NRAP: variants seen among roughly 807,000 people sequenced by gnomAD.
The protein encoded by NRAP is nebulin-related-anchoring protein.
In NRAP, 189 loss-of-function variants were observed where a neutral mutation model predicts 225.9. The observed-to-expected ratio is 0.84, with a 90% CI of 0.74 to 0.94. NRAP has a LOEUF of 0.94. Ranked by LOEUF, NRAP falls within the 40% of genes least tolerant of loss-of-function variation. NRAP has a pLI of 0.00. For missense variants in NRAP, 2,176 were observed against 2,168.7 expected, an observed-to-expected ratio of 1.00 and a Z score of -0.07; for synonymous variants, 769 against 790.7, an observed-to-expected ratio of 0.97 and a Z score of 0.46.
chr10:113,594,840 C>A (rs1398542543), intron 38 of NRAP, among the ~76,000 whole-genome samples: 3 of 152,184 alleles, frequency 2.0e-5, no homozygotes, highest in Non-Finnish European at 2.9e-5. Flanking sequence ...CTGCACGGAG[C>A]CCCAGGACAC....
intron 19 of NRAP, among the ~76,000 whole-genome samples, 195 bp downstream of exon 19, chr10:113,629,393 G>A (rs1848458118): frequency 6.6e-6 from 1 of 152,060 alleles, no homozygotes; most frequent in Non-Finnish European, 1.5e-5. Context: ...CATTAGCTGT[G>A]AGCCCTCCAG....
intron 3 of NRAP, among the ~76,000 whole-genome samples, chr10:113,660,112 CAT>C (rs1850574178): frequency 6.6e-6 from 1 of 151,114 alleles, no homozygotes; most frequent in Non-Finnish European, 1.5e-5. Context: ...TACATACATA[CAT>C]ACATAAACAC....
chr10:113,629,836 G>T, intron 18 of NRAP, 51 bp from the exon 19 acceptor site: 1 of 1,268,622 alleles, frequency 7.9e-7, no homozygotes, highest in Non-Finnish European at 1.2e-6. Context: ...CCCACCCTTT[G>T]CAGGAGTGAT....
intron 5 of NRAP, among the ~76,000 whole-genome samples, chr10:113,653,464 A>G (rs1298360429): frequency 6.6e-6 from 1 of 152,220 alleles, no homozygotes; most frequent in African/African-American, 2.4e-5. Context: ...TTTCCTAATG[A>G]GACTTATCAC....
chr10:113,634,383 A>G (rs756302730), intron 14 of NRAP, among the ~76,000 whole-genome samples, 173 bp from the exon 15 acceptor site: 5 of 152,204 alleles, frequency 3.3e-5, no homozygotes, highest in Non-Finnish European at 7.4e-5. Context: ...GAAAAACAGT[A>G]CATTGGAGAG....
chr10:113,642,003 C>A (rs1452753578), intron 12 of NRAP, among the ~76,000 whole-genome samples: 3 of 151,942 alleles, frequency 2.0e-5, no homozygotes, highest in Admixed American at 6.6e-5. Flanking sequence ...TGCCACTTAT[C>A]AAATAAAGAG....
chr10:113,589,074 C>A lies in NRAP; in HGVS notation c.5094G>T (p.Gly1698=), dbSNP rs562795399. The A allele has an allele frequency of 1.2e-6, 2 of 1,613,444 alleles. No homozygotes were observed. Among genetic ancestry groups the A allele is most frequent in the Admixed American group, 1.7e-5 (1 of 59,962 alleles). Residue 1698 remains glycine (G), a synonymous_variant, in exon 42 of 42, where the codon GGG becomes GGT. Transcript: ENST00000359988. Reference sequence around the variant, plus strand: ...GATCTCCAGCCTCCACTGCTTCTGCCCCCCGCTGCTGAAATCAAACATACC... The same window carrying A: ...GATCTCCAGCCTCCACTGCTTCTGCACCCCGCTGCTGAAATCAAACATACC... The part of the protein sequence containing the change: ...RGLGLQGAYR[G]AEAVEAGDHQ...
rs963599807 is a variant in NRAP at position 113,590,731 on chromosome 10, G to A, written c.4803C>T (p.His1601=). ...GGAGGCCGGGCTGGTCTGTGCTGCT[G>A]TGAAACTGGGACCGACTCTTGGCAA... ...KDFAKSRSQF[H]SSTDQPGLLQ... Residue 1601 remains histidine (H), a synonymous_variant, in exon 40 of 42, where the codon CAC becomes CAT. Coordinates refer to ENST00000359988, the MANE Select transcript of NRAP (RefSeq NM_198060.4). The A allele has an allele frequency of 6.2e-7, 1 of 1,614,108 alleles. No individual in the cohort carries two copies.
intron 23 of NRAP, 63 bp from the exon 24 acceptor site, chr10:113,622,243 A>G (rs183020191): frequency 1.8e-6 from 2 of 1,111,500 alleles, no homozygotes; most frequent in East Asian, 2.4e-5. Context: ...TAGGCTTCAG[A>G]CTCCATGCAT....
rs114694839 is a variant in NRAP at position 113,657,596 on chromosome 10, A to C, written c.256-22T>G. ...GGATCTGCTCAAGGAAGATGTTGTC[A>C]GTAATGTTTCCATCAGAAAAGAGAA... On this transcript the variant is annotated intron_variant, in intron 3 of 41. Coordinates refer to ENST00000359988, the MANE Select transcript of NRAP (RefSeq NM_198060.4). 1,397 of 1,295,662 alleles carry C rather than the reference A, an allele frequency of 1.1e-3. 9 individuals carry two copies. The African/African-American group carries it at 0.019, about 17-fold the overall frequency. The allele number at this position is 1,295,662 out of a possible 1,614,324, so 80.3% of individuals were successfully genotyped here.
chr10:113,612,155 G>A, intron 30 of NRAP, 79 bp downstream of exon 30: 1 of 1,153,614 alleles, frequency 8.7e-7, no homozygotes, highest in African/African-American at 1.5e-5. Flanking sequence ...ATTTCACTGA[G>A]CCAACAGGAG....
chr10:113,651,930 A>C, intron 6 of NRAP, 23 bp from the exon 7 acceptor site: 1 of 1,496,984 alleles, frequency 6.7e-7, no homozygotes, highest in Non-Finnish European at 9.3e-7. Flanking sequence ...CAGTAGAGTC[A>C]AGGGTGCACC....
At chr10:113,622,434 A>C (rs1176955864) in intron 23 of NRAP, among the ~76,000 whole-genome samples, 1 of 152,210 alleles carries the variant, frequency 6.6e-6, no homozygotes, top group Non-Finnish European at 1.5e-5. Context: ...TAGCCGTGAA[A>C]TGAGAAGCAT....
At chr10:113,646,470 G>T (rs1247325551) in intron 10 of NRAP, among the ~76,000 whole-genome samples, 1 of 152,222 alleles carries the variant, frequency 6.6e-6, no homozygotes, top group Non-Finnish European at 1.5e-5. Context: ...GCTAAGATCT[G>T]CAGTGAGCAT....
intron 34 of NRAP, among the ~76,000 whole-genome samples, chr10:113,605,244 G>A (rs1846882259): frequency 6.6e-6 from 1 of 152,192 alleles, no homozygotes; most frequent in South Asian, 2.1e-4. Context: ...AAACCCAAAA[G>A]ACAGGATCCA....
rs766330010 is a variant in NRAP, at chr10:113,589,704, G to A, written c.5050C>T (p.Leu1684=). The change falls in exon 41 of 42, where the codon CTG becomes TTG. Residue 1684 remains leucine (L), a synonymous_variant. Transcript: ENST00000359988. ...AGACCCAGGCCCCTTGCGTTGGCCA[G>A]TTCCGCAGCCCGCCGAGCCATTTCC... ...KVEMARRAAE[L]ANARGLGLQG... 2 of 1,614,140 alleles carry A rather than the reference G, an allele frequency of 1.2e-6. No individual in the cohort carries two copies. The highest frequency in any genetic ancestry group is 1.7e-5 in the Admixed American group (1 of 60,028).
intron 35 of NRAP, among the ~76,000 whole-genome samples, chr10:113,600,582 G>A (rs1018772806): frequency 6.6e-6 from 1 of 152,204 alleles, no homozygotes; most frequent in African/African-American, 2.4e-5. Flanking sequence ...AGCCACACCA[G>A]GTAGTGGTTA....
intron 23 of NRAP, among the ~76,000 whole-genome samples, 195 bp downstream of exon 23, chr10:113,623,334 T>C (rs1350633900): frequency 6.6e-6 from 1 of 152,232 alleles, no homozygotes; most frequent in African/African-American, 2.4e-5. Flanking sequence ...AAAATCAGTG[T>C]GTGGCAAGCA....
In NRAP at chr10:113,663,335, G is replaced by T. The variant is rs12770981; in HGVS notation, c.167+17C>A. On this transcript the variant is annotated intron_variant, in intron 2 of 41. Transcript: ENST00000359988. ...AATAAAACTCAAGAGGTAGTGGTGG[G>T]GGCATCAAACACTTACGCGTGACAG... The T allele has an allele frequency of 4.9e-6, 7 of 1,439,348 alleles. No individual in the cohort carries two copies. The East Asian group carries it at 6.8e-5, about 14-fold the overall frequency. 89.2% of individuals were successfully genotyped at this position (1,439,348 alleles called of 1,614,324 possible).
Sources: allele counts gnomAD v4.1 joint callset (sites outside exome capture counted in the v4.1 genomes callset), GRCh38; gene constraint gnomAD v4.1.1; transcripts MANE v1.5; gene names NCBI Gene and HGNC (gene_info 2026-07-23, HGNC 2026-07-21).